The following CREB3L2 variants were observed in gnomAD, a reference collection of about 807,000 sequenced individuals.
CREB3L2 encodes the protein cAMP responsive element binding protein 3 like 2.
CREB3L2 carries 23 observed loss-of-function variants against 57.2 expected under a neutral mutation model. The observed-to-expected ratio is 0.40, with a 90% confidence interval of 0.29 to 0.57. The LOEUF is 0.57. Ranked by LOEUF, CREB3L2 falls within the 20% of genes least tolerant of loss-of-function variation. The pLI is 0.42. For synonymous variants in CREB3L2, 268 were observed against 265.1 expected (o/e 1.01, Z -0.11); for missense variants, 628 against 634.7 (o/e 0.99, Z 0.11).
chr7:137,879,168 T>TAA lies in CREB3L2; in HGVS notation c.*1306_*1307dup, dbSNP rs532139233. 1.6e-3 allele frequency: 694 copies of TAA among 443,402 alleles called. No individual in the cohort carries two copies. The highest frequency in any genetic ancestry group is 9.8e-3 in the East Asian group (217 of 22,244). The allele number at this position is 443,402 out of a possible 1,614,324, so 27.5% of individuals were successfully genotyped here. ...AAACTACAAAAGTTACTTTTAACCA[T>TAA]AAAAAAAAAACAAAAAAACTAAAAG... On this transcript the variant is annotated 3_prime_UTR_variant, in exon 12 of 12. Coordinates refer to ENST00000330387, the MANE Select transcript of CREB3L2 (RefSeq NM_194071.4).
chr7:137,985,250 A>C (rs1383808691), intron 1 of CREB3L2, among the ~76,000 whole-genome samples: 1 of 152,188 alleles, frequency 6.6e-6, no homozygotes. Context: ...GGCACAGGAG[A>C]GCAACTTAGA....
chr7:137,971,177 G>A (rs901473883), intron 1 of CREB3L2, among the ~76,000 whole-genome samples: 1 of 152,104 alleles, frequency 6.6e-6, no homozygotes, highest in Non-Finnish European at 1.5e-5. Context: ...GGGGCCAGGC[G>A]TGGTGGCTCA....
intron 1 of CREB3L2, among the ~76,000 whole-genome samples, chr7:137,932,986 G>A (rs138997327): frequency 2.6e-5 from 4 of 152,290 alleles, no homozygotes; most frequent in African/African-American, 4.8e-5. Flanking sequence ...CCCAGGTAAC[G>A]CTGTGACTCC....
In CREB3L2 at chr7:137,875,037, T is replaced by G. The variant is rs1799114520; in HGVS notation, c.*5439A>C. 1 of 189,172 alleles carries G rather than the reference T, an allele frequency of 5.3e-6. No individual in the cohort carries two copies. Among genetic ancestry groups the G allele is most frequent in the Non-Finnish European group, 1.1e-5 (1 of 90,088 alleles). The allele number at this position is 189,172 out of a possible 1,614,324, so 11.7% of individuals were successfully genotyped here. A position where few individuals can be genotyped will look rare whatever the true frequency, so the allele number is the denominator to read the frequency against. On this transcript the variant is annotated 3_prime_UTR_variant, in exon 12 of 12. Coordinates refer to ENST00000330387, the MANE Select transcript of CREB3L2 (RefSeq NM_194071.4). ...AATGGAAATACAAAAGCATAACAATTTCAATTTATTTTTTTTTCCCAAACT... is the reference window on the plus strand; with the variant it reads ...AATGGAAATACAAAAGCATAACAATGTCAATTTATTTTTTTTTCCCAAACT...
chr7:137,968,956 AG>A (rs1801454555), intron 1 of CREB3L2, among the ~76,000 whole-genome samples: 1 of 152,208 alleles, frequency 6.6e-6, no homozygotes. Context: ...GAAACGAAGG[AG>A]AAGAATAGGG....
chr7:137,932,800 C>G (rs79271491), intron 1 of CREB3L2, among the ~76,000 whole-genome samples: 5 of 152,198 alleles, frequency 3.3e-5, no homozygotes, highest in Non-Finnish European at 7.3e-5. Flanking sequence ...TTCAGACAGA[C>G]GCTGGGGATA....
intron 1 of CREB3L2, among the ~76,000 whole-genome samples, chr7:137,966,413 C>T (rs1252017521): frequency 6.6e-6 from 1 of 152,158 alleles, no homozygotes; most frequent in Non-Finnish European, 1.5e-5. Context: ...ATTGGTGCTC[C>T]CTCCAGTGGC....
chr7:138,001,395 G>C lies in CREB3L2; in HGVS notation c.102+209C>G, dbSNP rs1000229217. ...GCATGAATTGTTAAAGGAATACAAA[G>C]TGGCATTACTCTCATGAGAAATGTA... On this transcript the variant is annotated intron_variant, in intron 1 of 11. Coordinates refer to ENST00000330387, the MANE Select transcript of CREB3L2 (RefSeq NM_194071.4). This position sits in a 1 kb window ranked among gnomAD's most constrained non-coding sequence, Gnocchi z 4.2. Among the ~76,000 whole-genome samples, 5 of 152,184 alleles carry C rather than the reference G, an allele frequency of 3.3e-5. No homozygotes were observed. The highest frequency in any genetic ancestry group is 4.8e-5 in the African/African-American group (2 of 41,454).
chr7:137,948,330 A>G (rs980429869), intron 1 of CREB3L2, among the ~76,000 whole-genome samples: 1 of 152,222 alleles, frequency 6.6e-6, no homozygotes, highest in Admixed American at 6.5e-5. Flanking sequence ...CTGAAACTCA[A>G]TTCACGATTA....
chr7:137,961,180 T>C (rs1265050999), intron 1 of CREB3L2, among the ~76,000 whole-genome samples: 1 of 125,486 alleles, frequency 8.0e-6, no homozygotes, highest in Non-Finnish European at 1.6e-5. Context: ...ACTTCCTTCC[T>C]CCAAATTATA....
rs779776160 is a variant in CREB3L2 at position 137,880,227 on chromosome 7, T to C, written c.*249A>G. ...CTTGTCCCACCTCCAACCCCTAAAA[T>C]AATTTCCTATGGCAGTAAGAGAAAG... On this transcript the variant is annotated 3_prime_UTR_variant, in exon 12 of 12. Coordinates refer to ENST00000330387, the MANE Select transcript of CREB3L2 (RefSeq NM_194071.4). This position sits in a 1 kb window ranked among gnomAD's most constrained non-coding sequence, Gnocchi z 4.0. The C allele has an allele frequency of 7.6e-6, 4 of 525,280 alleles. No individual in the cohort carries two copies. Among genetic ancestry groups the C allele is most frequent in the Non-Finnish European group, 1.4e-5 (4 of 289,358 alleles). The allele number at this position is 525,280 out of a possible 1,614,324, so 32.5% of individuals were successfully genotyped here. A position where few individuals can be genotyped will look rare whatever the true frequency, so the allele number is the denominator to read the frequency against.
chr7:137,997,262 T>C (rs919205977), intron 1 of CREB3L2, among the ~76,000 whole-genome samples: 2 of 152,206 alleles, frequency 1.3e-5, no homozygotes, highest in South Asian at 2.1e-4. Context: ...AAAATCTGAA[T>C]AGTACCAACA....
intron 1 of CREB3L2, among the ~76,000 whole-genome samples, chr7:137,986,420 C>T (rs565387430): frequency 5.3e-5 from 8 of 152,208 alleles, no homozygotes; most frequent in Non-Finnish European, 1.0e-4. Flanking sequence ...GAGGCTGGAG[C>T]GACTGCACCC....
At chr7:137,996,441 C>T (rs542895261) in intron 1 of CREB3L2, among the ~76,000 whole-genome samples, 2 of 152,228 alleles carry the variant, frequency 1.3e-5, no homozygotes, top group Admixed American at 1.3e-4. Context: ...ATTTATTCAG[C>T]TTGTGGAGGT....
At chr7:137,969,765 C>CAA (rs1801474691) in intron 1 of CREB3L2, among the ~76,000 whole-genome samples, 1 of 93,386 alleles carries the variant, frequency 1.1e-5, no homozygotes, top group South Asian at 3.5e-4. Flanking sequence ...TCATCAAACA[C>CAA]ACACACACAC....
At chr7:137,952,528 G>A (rs1268214049) in intron 1 of CREB3L2, among the ~76,000 whole-genome samples, 1 of 152,118 alleles carries the variant, frequency 6.6e-6, no homozygotes, top group Non-Finnish European at 1.5e-5. Flanking sequence ...TGTGAAATTA[G>A]CTTACTGATT....
rs189743398 is a variant in CREB3L2 at position 137,887,623 on chromosome 7, C to T, written c.1044-2121G>A. The stretch of plus-strand genomic sequence containing the variant: ...ACTCGGGAGGCTGAGGCAGGAGAAT[C>T]GCTTGAACCCAGGAGGCAGAGGTTG... On this transcript the variant is annotated intron_variant, in intron 8 of 11. Coordinates refer to ENST00000330387, the MANE Select transcript of CREB3L2 (RefSeq NM_194071.4). Among the ~76,000 whole-genome samples the T allele has an allele frequency of 6.8e-3, 1,038 of 152,112 alleles. 10 individuals carry two copies. The highest frequency in any genetic ancestry group is 0.024 in the African/African-American group (999 of 41,476).
chr7:137,908,232 A>C lies in CREB3L2; in HGVS notation c.768+20T>G. ...TGGAGAGGGTTCCCTTTGGTCCAGG[A>C]ATGCCCGCTGCATACTTACATGAGG... On this transcript the variant is annotated intron_variant, in intron 5 of 11. Transcript: ENST00000330387. 8.0e-7 allele frequency: 1 copy of C among 1,253,638 alleles called. No individual in the cohort carries two copies. The highest frequency in any genetic ancestry group is 1.0e-6 in the Non-Finnish European group (1 of 989,794). The allele number at this position is 1,253,638 out of a possible 1,614,324, so 77.7% of individuals were successfully genotyped here.
At chr7:137,931,552 G>A (rs1800637706) in intron 1 of CREB3L2, among the ~76,000 whole-genome samples, 1 of 150,912 alleles carries the variant, frequency 6.6e-6, no homozygotes. Context: ...AACTGGCCAG[G>A]CTTGCTTGGT....
Sources: gnomAD v4.1 joint callset for allele counts (sites outside exome capture counted in the v4.1 genomes callset) on GRCh38, gnomAD v4.1.1 for gene constraint, Gnocchi (gnomAD v3.1) non-coding constraint, MANE v1.5 for transcripts, NCBI Gene and HGNC (gene_info 2026-07-23, HGNC 2026-07-21) for gene names.